The following POC5 variants were observed in gnomAD, a reference collection of about 807,000 sequenced individuals.
The protein encoded by POC5 is centrosomal protein POC5.
POC5 carries 48 observed loss-of-function variants against 62.9 expected under a neutral mutation model. The observed-to-expected ratio is 0.76, with a 90% confidence interval of 0.61 to 0.97. The LOEUF (loss-of-function observed/expected upper bound fraction) is 0.97, where lower values mean the gene tolerates loss of function less well. Among genes scored for constraint, POC5 ranks in the 50% least tolerant of loss-of-function variants. The pLI, the probability that POC5 is intolerant of heterozygous loss-of-function variation, is 0.00. For missense variants in POC5, 696 were observed against 679.5 expected, an observed-to-expected ratio of 1.02 and a Z score of -0.27; for synonymous variants, 236 against 228.2, an observed-to-expected ratio of 1.03 and a Z score of -0.31.
At chr5:75,708,169 T>G (rs1777200754) in intron 2 of POC5, among the ~76,000 whole-genome samples, 1 of 152,050 alleles carries the variant, frequency 6.6e-6, no homozygotes, top group Admixed American at 6.5e-5. Flanking sequence ...AAGTGAGACC[T>G]CATCTCTACA....
At chr5:75,699,596 C>A (rs1435909391) in intron 5 of POC5, among the ~76,000 whole-genome samples, 1 of 135,940 alleles carries the variant, frequency 7.4e-6, no homozygotes, top group East Asian at 2.1e-4. Flanking sequence ...CTATGACAAA[C>A]CCACAGCCAA....
At chr5:75,716,497 G>A (rs1742579349) in intron 1 of POC5, among the ~76,000 whole-genome samples, 1 of 151,672 alleles carries the variant, frequency 6.6e-6, no homozygotes, top group African/African-American at 2.4e-5. Context: ...CCGCACTCTT[G>A]GAAAATATGC....
intron 10 of POC5, among the ~76,000 whole-genome samples, chr5:75,680,345 T>C (rs566281546): frequency 1.3e-5 from 2 of 152,076 alleles, no homozygotes; most frequent in East Asian, 3.9e-4. Context: ...CTGAAGAAAA[T>C]TAGAGTAGCA....
At chr5:75,713,746 C>T (rs73766009) in intron 1 of POC5, among the ~76,000 whole-genome samples, 31 of 152,212 alleles carry the variant, frequency 2.0e-4, no homozygotes, top group African/African-American at 7.5e-4. Flanking sequence ...GAAGATGACC[C>T]AGGTGTTGAG....
chr5:75,690,376 T>A lies in POC5; in HGVS notation c.975+7A>T. The A allele has an allele frequency of 6.3e-7, 1 of 1,598,900 alleles. No homozygotes were observed. Among genetic ancestry groups the A allele is most frequent in the African/African-American group, 1.3e-5 (1 of 74,360 alleles). On this transcript the variant is annotated splice_region_variant and intron_variant, in intron 8 of 11. Transcript: ENST00000428202. ...GAAGAAAGTGAAAACCAGAAAAAGA[T>A]GCTTACCATAGCAACTTTGGCTTCA...
intron 11 of POC5, 43 bp downstream of exon 11, chr5:75,677,731 G>A: frequency 6.7e-7 from 1 of 1,492,120 alleles, no homozygotes; most frequent in Non-Finnish European, 8.9e-7. Flanking sequence ...TGAACTCTCA[G>A]GAAAAAGACT....
At chr5:75,679,261 T>C (rs1775786836) in intron 10 of POC5, among the ~76,000 whole-genome samples, 1 of 152,156 alleles carries the variant, frequency 6.6e-6, no homozygotes, top group Non-Finnish European at 1.5e-5. Context: ...AACATTTACT[T>C]ATTTTGGCTT....
In POC5 at chr5:75,702,741, A is replaced by G. The variant is rs1261896274; in HGVS notation, c.377T>C (p.Leu126Ser). The change falls in exon 5 of 12, where the codon TTA becomes TCA. Residue 126 changes from leucine to serine, a missense_variant. Physicochemically the swap from Leu to Ser is moderately radical, Grantham distance 145. Transcript: ENST00000428202. ...TGTTGCTGGTGAGGAAGAGTCAGCT[A>G]AAAGATGTGAACTGAAAAAATCCAT... ...PVMDFFSSHL[L>S]ADSSSPATNS... is the part of the protein sequence containing the mutation. 5.6e-6 allele frequency: 9 copies of G among 1,602,330 alleles called. No individual in the cohort carries two copies. Among genetic ancestry groups the G allele is most frequent in the African/African-American group, 1.3e-5 (1 of 74,964 alleles).
At position 75,690,572 on chromosome 5, in the gene POC5, A is replaced by G. The variant is rs575909959; in HGVS notation, c.796-10T>C. 1.3e-6 allele frequency: 2 copies of G among 1,534,754 alleles called. No individual in the cohort carries two copies. Among genetic ancestry groups the G allele is most frequent in the African/African-American group, 2.8e-5 (2 of 72,202 alleles). ...GTTTACCTTCATAAACCTAAATAAA[A>G]GTAAAATATAACTTCAAAAACACAG... is the stretch of plus-strand genomic sequence containing the variant. On this transcript the variant is annotated splice_polypyrimidine_tract_variant and intron_variant, in intron 7 of 11. Coordinates refer to ENST00000428202, the MANE Select transcript of POC5 (RefSeq NM_001099271.2).
intron 10 of POC5, among the ~76,000 whole-genome samples, chr5:75,678,351 T>C (rs1250591032): frequency 6.6e-6 from 1 of 152,146 alleles, no homozygotes; most frequent in African/African-American, 2.4e-5. Flanking sequence ...TGCCTGTGTA[T>C]AGATCTCTGT....
chr5:75,694,257 G>C (rs1352374400), intron 6 of POC5, among the ~76,000 whole-genome samples: 1 of 152,120 alleles, frequency 6.6e-6, no homozygotes, highest in Non-Finnish European at 1.5e-5. Flanking sequence ...TGTAGATAAT[G>C]CTCGTTCCTT....
chr5:75,677,261 T>C (rs1323656304), intron 11 of POC5, among the ~76,000 whole-genome samples: 2 of 152,240 alleles, frequency 1.3e-5, no homozygotes, highest in African/African-American at 2.4e-5. Flanking sequence ...ACCTTCTTTA[T>C]ATCACATGCA....
At chr5:75,706,966 C>G (rs1161255916) in intron 3 of POC5, among the ~76,000 whole-genome samples, 2 of 152,200 alleles carry the variant, frequency 1.3e-5, no homozygotes, top group African/African-American at 2.4e-5. Flanking sequence ...GACACTAGAG[C>G]TATGACTTAG....
rs1293669033 is a variant in POC5 at position 75,705,665 on chromosome 5, G to A, written c.307+39C>T. ...GATAATATTCATCAAACCACAAAAT[G>A]TTGTATATTAATACAAATAAGCTAA... is the stretch of plus-strand genomic sequence containing the variant. On this transcript the variant is annotated intron_variant, in intron 4 of 11. Coordinates refer to ENST00000428202, the MANE Select transcript of POC5 (RefSeq NM_001099271.2). 1.7e-5 allele frequency: 21 copies of A among 1,245,584 alleles called. 1 individual carries two copies. In the Admixed American group the frequency reaches 6.1e-4, roughly 36 times the overall value. 77.2% of individuals were successfully genotyped at this position (1,245,584 alleles called of 1,614,324 possible). A position where few individuals can be genotyped will look rare whatever the true frequency, so the allele number is the denominator to read the frequency against.
rs567987726 is a variant in POC5 at position 75,703,134 on chromosome 5, G to A, written c.308-324C>T. On this transcript the variant is annotated intron_variant, in intron 4 of 11. Coordinates refer to ENST00000428202, the MANE Select transcript of POC5 (RefSeq NM_001099271.2). ...TCTGTATCATATCACCATTAATGAA[G>A]TGCTTTCTGTTTCTGTAATAAAAAC... Among the ~76,000 whole-genome samples the A allele has an allele frequency of 2.0e-5, 3 of 152,242 alleles. No individual in the cohort carries two copies. In the South Asian group the frequency reaches 6.2e-4, roughly 32 times the overall value.
chr5:75,710,445 T>A (rs1777295680), intron 2 of POC5, among the ~76,000 whole-genome samples: 1 of 152,136 alleles, frequency 6.6e-6, no homozygotes, highest in Non-Finnish European at 1.5e-5. Context: ...TAAGGTTAAA[T>A]AAGGTCATTG....
chr5:75,716,097 G>C (rs1005875208), intron 1 of POC5, among the ~76,000 whole-genome samples: 1 of 152,032 alleles, frequency 6.6e-6, no homozygotes, highest in Non-Finnish European at 1.5e-5. Flanking sequence ...GGAAGATACA[G>C]GGAAAAGTGC....
chr5:75,679,837 G>A (rs55980090), intron 10 of POC5, among the ~76,000 whole-genome samples: 1 of 152,006 alleles, frequency 6.6e-6, no homozygotes, highest in Admixed American at 6.6e-5. Flanking sequence ...GATAATGTTT[G>A]AAATTAATAA....
chr5:75,716,531 T>G (rs1352003561), intron 1 of POC5, among the ~76,000 whole-genome samples: 1 of 152,196 alleles, frequency 6.6e-6, no homozygotes, highest in Non-Finnish European at 1.5e-5. Flanking sequence ...CCCTGCTTTA[T>G]GTCAACAAGG....
Sources: gnomAD v4.1 joint callset for allele counts (sites outside exome capture counted in the v4.1 genomes callset) on GRCh38, gnomAD v4.1.1 for gene constraint, MANE v1.5 for transcripts, NCBI Gene and HGNC (gene_info 2026-07-23, HGNC 2026-07-21) for gene names.